The following XG variants were observed in gnomAD, a reference collection of about 807,000 sequenced individuals.
The protein encoded by XG is Xg glycoprotein (Xg blood group).
XG carries 24 observed loss-of-function variants against 25.7 expected under a neutral mutation model. The observed-to-expected ratio is 0.93, with a 90% CI of 0.68 to 1.31. XG has a LOEUF of 1.31. XG is among the 40% of genes most tolerant of loss of function. The pLI, the probability that XG is intolerant of heterozygous loss-of-function variation, is 0.00. For synonymous variants in XG, 77 were observed against 69.2 expected (o/e 1.11, Z -0.56); for missense variants, 181 against 187.6 (o/e 0.96, Z 0.21).
chrX:2,772,862 AG>A (rs1277654418), intron 2 of XG, among the ~76,000 whole-genome samples: 3 of 152,212 alleles, frequency 2.0e-5, no homozygotes, highest in Non-Finnish European at 4.4e-5. Flanking sequence ...ATGAATGGGC[AG>A]GCATGTGCCT....
intron 3 of XG, among the ~76,000 whole-genome samples, chrX:2,778,579 C>A (rs1359164895): frequency 6.6e-6 from 1 of 151,920 alleles, no homozygotes; most frequent in Non-Finnish European, 1.5e-5. Context: ...AAATGAAAAC[C>A]GTAGCTCAGA....
Position 2,764,763 on chromosome X carries a change from G to A in XG, c.62-5787G>A, listed in dbSNP as rs1423230392. 7.2e-5 allele frequency among the ~76,000 whole-genome samples: 11 copies of A among 152,100 alleles called. No homozygotes were observed. In the South Asian group the frequency reaches 1.9e-3, roughly 26 times the overall value. ...GATGTAAAGAAATAAAAAATAGGCC[G>A]GGGGCGGTGGCTCATGCCTGTAATT... On this transcript the variant is annotated intron_variant, in intron 1 of 10. Transcript: ENST00000644266.
At chrX:2,781,556 A>C (rs1211821247) in intron 3 of XG, among the ~76,000 whole-genome samples, 1 of 112,137 alleles carries the variant, frequency 8.9e-6, no homozygotes, top group Non-Finnish European at 1.9e-5. Flanking sequence ...GAAAACTATA[A>C]TTTTGAGTTA....
chrX:2,780,510 A>G (rs2051096771), intron 3 of XG, among the ~76,000 whole-genome samples: 1 of 150,936 alleles, frequency 6.6e-6, no homozygotes, highest in Non-Finnish European at 1.5e-5. Flanking sequence ...TGGGTGGATC[A>G]CAAGGTCAGG....
chrX:2,752,885 T>G (rs2050364227), intron 1 of XG: 1 of 983,098 alleles, frequency 1.0e-6, no homozygotes, highest in African/African-American at 1.7e-5. Context: ...AAAACTTCGA[T>G]ATAAACTTGC....
intron 9 of XG, among the ~76,000 whole-genome samples, chrX:2,809,457 C>G (rs180861897): frequency 9.0e-6 from 1 of 111,427 alleles, no homozygotes. Flanking sequence ...AAAGCCTGGG[C>G]AAAGGAGGCA....
chrX:2,768,495 C>T (rs780911298), intron 1 of XG, among the ~76,000 whole-genome samples: 24 of 152,240 alleles, frequency 1.6e-4, no homozygotes, highest in Admixed American at 2.6e-4. Context: ...AGGCCAGGTG[C>T]GGTGGCTCAC....
At chrX:2,780,091 A>C (rs976489076) in intron 3 of XG, among the ~76,000 whole-genome samples, 5 of 152,168 alleles carry the variant, frequency 3.3e-5, no homozygotes, top group African/African-American at 1.2e-4. Context: ...AATATTTTCA[A>C]TACAAGACTG....
At chrX:2,805,683 T>C (rs902693495) in intron 7 of XG, among the ~76,000 whole-genome samples, 2 of 111,709 alleles carry the variant, frequency 1.8e-5, no homozygotes, top group African/African-American at 3.3e-5. Context: ...GTAGACACCA[T>C]CTTCTCCCTG....
chrX:2,808,526 C>T (rs2147095494), intron 9 of XG: 24 of 956,765 alleles, frequency 2.5e-5, no homozygotes, highest in Non-Finnish European at 2.9e-5. Context: ...CCATTACTCC[C>T]CTTTCTTTGA....
intron 1 of XG, among the ~76,000 whole-genome samples, chrX:2,765,135 C>G (rs2050651833): frequency 6.7e-6 from 1 of 148,898 alleles, no homozygotes; most frequent in African/African-American, 2.5e-5. Context: ...ATCACGAGGT[C>G]AGGAGTTTGA....
At chrX:2,765,019 C>G (rs2050644891) in intron 1 of XG, among the ~76,000 whole-genome samples, 1 of 103,356 alleles carries the variant, frequency 9.7e-6, no homozygotes. Context: ...GCAGCCTGGG[C>G]AACATAGTGA....
chrX:2,811,426 A>C lies in XG; in HGVS notation c.545A>C (p.Asn182Thr). The change falls in exon 10 of 11, where the codon AAT becomes ACT. Residue 182 changes from asparagine to threonine, a missense_variant. Physicochemically the swap from Asn to Thr is moderately conservative, Grantham distance 65. Coordinates refer to ENST00000644266, the MANE Select transcript of XG (RefSeq NM_001141919.2). ...GAAASYFKLN[N>T]RRNCFRTHEP... ...GCAGCCAGTTATTTCAAACTAAACA[A>C]TAGGAGAAATTGTTTCAGGACCCAT... 1 of 1,204,949 alleles carries C rather than the reference A, an allele frequency of 8.3e-7. No homozygotes were observed. Among genetic ancestry groups the C allele is most frequent in the Non-Finnish European group, 1.1e-6 (1 of 891,594 alleles).
intron 3 of XG, among the ~76,000 whole-genome samples, chrX:2,779,821 A>AT (rs1376536876): frequency 1.3e-4 from 20 of 151,876 alleles, no homozygotes; most frequent in Non-Finnish European, 2.4e-4. Flanking sequence ...TAATTTTTGT[A>AT]TTTTTGGTAG....
intron 5 of XG, 54 bp downstream of exon 5, chrX:2,789,760 C>T: frequency 1.1e-5 from 7 of 644,069 alleles, no homozygotes; most frequent in African/African-American, 2.5e-5. Flanking sequence ...TTTTATTTTA[C>T]TATTTTATTT....
chrX:2,785,099 A>G (rs1419577045), intron 4 of XG, among the ~76,000 whole-genome samples: 1 of 111,930 alleles, frequency 8.9e-6, no homozygotes, highest in Non-Finnish European at 1.9e-5. Context: ...GGACAACTGG[A>G]AGCAGGGGCT....
At chrX:2,773,920 A>C (rs1569462230) in intron 2 of XG, among the ~76,000 whole-genome samples, 1 of 152,080 alleles carries the variant, frequency 6.6e-6, no homozygotes, top group Non-Finnish European at 1.5e-5. Flanking sequence ...ACCTTCTATT[A>C]AAATACAGGA....
At chrX:2,776,159 C>G in intron 3 of XG, among the ~76,000 whole-genome samples, 1 of 151,826 alleles carries the variant, frequency 6.6e-6, no homozygotes, top group South Asian at 2.1e-4. Flanking sequence ...ATTAAGAGTC[C>G]TTTATAAGCC....
At chrX:2,802,953 A>G (rs2086958900) in intron 7 of XG, among the ~76,000 whole-genome samples, 1 of 111,218 alleles carries the variant, frequency 9.0e-6, no homozygotes, top group Non-Finnish European at 1.9e-5. Flanking sequence ...TGGTTATCTG[A>G]GTCTGTGTTC....
Sources: allele counts gnomAD v4.1 joint callset (sites outside exome capture counted in the v4.1 genomes callset), GRCh38; gene constraint gnomAD v4.1.1; transcripts MANE v1.5; gene names NCBI Gene and HGNC (gene_info 2026-07-23, HGNC 2026-07-21).